Variants in TAFA2 observed in about 807,000 individuals in gnomAD.
TAFA2 encodes the protein TAFA chemokine like family member 2, also known as chemokine-like protein TAFA-2.
In TAFA2, 7 loss-of-function variants were observed where a neutral mutation model predicts 18.8. The observed-to-expected ratio is 0.37, with a 90% CI of 0.21 to 0.70. The LOEUF is 0.70. TAFA2 is among the 30% of genes least tolerant of loss of function. The pLI, the probability that TAFA2 is intolerant of heterozygous loss-of-function variation, is 0.53. For missense variants in TAFA2, 122 were observed against 158.1 expected, an observed-to-expected ratio of 0.77 and a Z score of 1.23; for synonymous variants, 60 against 54.2, an observed-to-expected ratio of 1.11 and a Z score of -0.47.
At chr12:61,734,473 C>T (rs1190625099) in intron 4 of TAFA2, among the ~76,000 whole-genome samples, 1 of 151,276 alleles carries the variant, frequency 6.6e-6, no homozygotes, top group Non-Finnish European at 1.5e-5. Flanking sequence ...ATGTAACTAA[C>T]CTGCACATTG....
intron 1 of TAFA2, among the ~76,000 whole-genome samples, chr12:62,183,670 T>G (rs1207933937): frequency 6.6e-6 from 1 of 152,088 alleles, no homozygotes; most frequent in Non-Finnish European, 1.5e-5. Context: ...CAAGCGTGAG[T>G]CACTGCACCC....
chr12:61,876,268 G>C (rs1874841282), intron 1 of TAFA2, among the ~76,000 whole-genome samples: 1 of 152,148 alleles, frequency 6.6e-6, no homozygotes, highest in South Asian at 2.1e-4. Flanking sequence ...ATGAGGCACA[G>C]AAGAAATCCA....
chr12:62,025,520 G>A (rs541590375), intron 1 of TAFA2, among the ~76,000 whole-genome samples: 13 of 152,098 alleles, frequency 8.5e-5, no homozygotes, highest in African/African-American at 1.2e-4. Context: ...CTCTCAGTAG[G>A]AAATAGATTT....
intron 1 of TAFA2, among the ~76,000 whole-genome samples, chr12:62,061,227 C>T (rs963018127): frequency 2.0e-5 from 3 of 152,182 alleles, no homozygotes; most frequent in Non-Finnish European, 4.4e-5. Context: ...CTGCAATCTC[C>T]ATTCATGGTG....
chr12:62,209,283 T>C (rs2062704352), intron 1 of TAFA2, among the ~76,000 whole-genome samples: 2 of 152,198 alleles, frequency 1.3e-5, no homozygotes, highest in African/African-American at 4.8e-5. Flanking sequence ...GTGAGTAAGT[T>C]CTCATAAGAT....
intron 1 of TAFA2, among the ~76,000 whole-genome samples, chr12:61,968,497 A>G (rs975486616): frequency 1.3e-5 from 2 of 151,726 alleles, no homozygotes; most frequent in East Asian, 3.9e-4. Context: ...ACAAGCTTCA[A>G]TCTCAGCATC....
chr12:62,151,000 A>C (rs2062324691), intron 1 of TAFA2, among the ~76,000 whole-genome samples: 1 of 152,138 alleles, frequency 6.6e-6, no homozygotes, highest in Non-Finnish European at 1.5e-5. Context: ...CTTGTCAAAA[A>C]AAAAAAAAGA....
chr12:62,176,770 G>T (rs1040365098), intron 1 of TAFA2, among the ~76,000 whole-genome samples: 1 of 152,132 alleles, frequency 6.6e-6, no homozygotes, highest in Non-Finnish European at 1.5e-5. Flanking sequence ...GAAAAAGGGG[G>T]TCCTACTTAG....
At position 62,179,062 on chromosome 12, in the gene TAFA2, GT is replaced by G. The variant is rs2136949214; in HGVS notation, c.-2+12196del. ...CAAAAGAAATCACTTGCATACAAATGTTTTGTAAACAATATAGCACTATTTA... is the reference window on the plus strand; with the variant it reads ...CAAAAGAAATCACTTGCATACAAATGTTTGTAAACAATATAGCACTATTTA... On this transcript the variant is annotated intron_variant, in intron 1 of 4. Transcript: ENST00000416284. 2.6e-5 allele frequency among the ~76,000 whole-genome samples: 4 copies of G among 152,122 alleles called. No homozygotes were observed. The South Asian group carries it at 8.3e-4, about 32-fold the overall frequency.
Position 61,710,359 on chromosome 12 carries a change from G to A in TAFA2, c.*47C>T, listed in dbSNP as rs369212569. ...CAGGAGTTGAGTTAAGTTTCTATGC[G>A]CATGTTCAATGTCATCAGCCTTGAG... On this transcript the variant is annotated 3_prime_UTR_variant, in exon 5 of 5. Transcript: ENST00000416284. 89 of 1,585,754 alleles carry A rather than the reference G, an allele frequency of 5.6e-5. 1 individual carries two copies. Among genetic ancestry groups the A allele is most frequent in the Middle Eastern group, 3.3e-4 (2 of 5,996 alleles).
chr12:62,104,372 G>A (rs974814340), intron 1 of TAFA2, among the ~76,000 whole-genome samples: 2 of 151,966 alleles, frequency 1.3e-5, no homozygotes, highest in Non-Finnish European at 2.9e-5. Flanking sequence ...TCTGAATTGC[G>A]CATCTGATTA....
intron 2 of TAFA2, among the ~76,000 whole-genome samples, chr12:61,760,365 A>AATATATATATATATATATATAT (rs71083956): frequency 0.013 from 1,566 of 121,946 alleles, 55 homozygotes; most frequent in Non-Finnish European, 0.019. Context: ...AAAATATCAA[A>AATATATATATATATATATATAT]ATATATATAT....
At chr12:61,858,425 G>A (rs1033323957) in intron 2 of TAFA2, among the ~76,000 whole-genome samples, 5 of 151,992 alleles carry the variant, frequency 3.3e-5, no homozygotes, top group Non-Finnish European at 7.4e-5. Flanking sequence ...ATTATTACAT[G>A]TGAACAAAAA....
intron 1 of TAFA2, among the ~76,000 whole-genome samples, chr12:62,161,549 G>A (rs551185393): frequency 3.9e-5 from 6 of 152,232 alleles, no homozygotes; most frequent in South Asian, 2.1e-4. Flanking sequence ...GACTCAGAAT[G>A]GTGAGAGGGC....
intron 4 of TAFA2, among the ~76,000 whole-genome samples, chr12:61,724,200 G>A (rs1382092349): frequency 6.6e-6 from 1 of 152,038 alleles, no homozygotes; most frequent in African/African-American, 2.4e-5. Flanking sequence ...CATGTATGTG[G>A]CATGATTTTT....
chr12:61,990,357 TGAGGCAGAGTCTCG>T (rs1879962294), intron 1 of TAFA2, among the ~76,000 whole-genome samples: 1 of 149,756 alleles, frequency 6.7e-6, no homozygotes. Context: ...TTTTTTTTTT[TGAGGCAGAGTCTCG>T]CTCTTTTGCC....
chr12:62,087,111 T>C (rs1047965037), intron 1 of TAFA2, among the ~76,000 whole-genome samples: 1 of 151,828 alleles, frequency 6.6e-6, no homozygotes, highest in African/African-American at 2.4e-5. Context: ...AGACAGAAAG[T>C]AGAATGGTGG....
intron 1 of TAFA2, among the ~76,000 whole-genome samples, chr12:62,244,089 CT>C (rs577907756): frequency 0.012 from 1,732 of 139,872 alleles, 12 homozygotes; most frequent in African/African-American, 0.015. Flanking sequence ...CATACCTGGC[CT>C]TTTTTTTTTT....
intron 4 of TAFA2, among the ~76,000 whole-genome samples, chr12:61,719,967 A>G (rs1437414217): frequency 6.6e-6 from 1 of 152,168 alleles, no homozygotes. Flanking sequence ...TGTAAATTTC[A>G]AACTAAAATC....
Sources: allele counts gnomAD v4.1 joint callset (sites outside exome capture counted in the v4.1 genomes callset), GRCh38; gene constraint gnomAD v4.1.1; transcripts MANE v1.5; gene names NCBI Gene and HGNC (gene_info 2026-07-23, HGNC 2026-07-21).